The following SLCO3A1 variants were observed in gnomAD, a reference collection of about 807,000 sequenced individuals.
The protein encoded by SLCO3A1 is PGE1 transporter.
A neutral mutation model predicts 63.1 loss-of-function variants in SLCO3A1; 27 were observed. The ratio of observed to expected loss-of-function variants is 0.43; its 90% CI spans 0.32 to 0.59. The LOEUF is 0.59. SLCO3A1 is among the 20% of genes least tolerant of loss of function. The pLI is 0.09. For missense variants in SLCO3A1, 773 were observed against 945.8 expected, an observed-to-expected ratio of 0.82 and a Z score of 2.40; for synonymous variants, 473 against 409.9, an observed-to-expected ratio of 1.15 and a Z score of -1.86.
At chr15:92,157,592 G>T (rs1234652401) in intron 9 of SLCO3A1, among the ~76,000 whole-genome samples, 1 of 151,714 alleles carries the variant, frequency 6.6e-6, no homozygotes, top group Non-Finnish European at 1.5e-5. Flanking sequence ...CCAGGTTCAA[G>T]CGATTCTCCT....
chr15:91,955,341 T>C (rs796797355), intron 2 of SLCO3A1, among the ~76,000 whole-genome samples: 11 of 145,428 alleles, frequency 7.6e-5, no homozygotes, highest in African/African-American at 2.7e-4. Flanking sequence ...CTTTTTCTTT[T>C]TTTTTTTTTG....
intron 2 of SLCO3A1, among the ~76,000 whole-genome samples, chr15:92,068,899 C>T (rs574755677): frequency 9.7e-4 from 147 of 152,304 alleles, no homozygotes; most frequent in Non-Finnish European, 1.9e-3. Context: ...GCCTCATTCG[C>T]CCCACCTGTA....
rs540363522 is a variant in SLCO3A1 at position 91,964,742 on chromosome 15, AGT to A, written c.646+48285_646+48286del. Among the ~76,000 whole-genome samples, 1,302 of 150,956 alleles carry A rather than the reference AGT, an allele frequency of 8.6e-3. 21 individuals carry two copies. Among genetic ancestry groups the A allele is most frequent in the African/African-American group, 0.03 (1,235 of 40,826 alleles). The stretch of plus-strand genomic sequence containing the variant: ...GTACTAACATCCTTTAAAATTAGAT[AGT>A]TTTTTTTTTTTTAATGTACTTCGAG... On this transcript the variant is annotated intron_variant, in intron 2 of 9. Transcript: ENST00000318445.
At chr15:91,899,869 C>A (rs1898108499) in intron 1 of SLCO3A1, among the ~76,000 whole-genome samples, 1 of 152,164 alleles carries the variant, frequency 6.6e-6, no homozygotes, top group South Asian at 2.1e-4. Context: ...TATAGTGTTT[C>A]ACATTTGGCT....
intron 3 of SLCO3A1, among the ~76,000 whole-genome samples, chr15:92,097,479 C>G (rs2047553460): frequency 6.6e-6 from 1 of 152,146 alleles, no homozygotes; most frequent in Non-Finnish European, 1.5e-5. Flanking sequence ...AATGCTGTTC[C>G]CATCTTACTG....
chr15:92,113,819 A>G (rs2047758750), intron 4 of SLCO3A1, among the ~76,000 whole-genome samples: 1 of 152,186 alleles, frequency 6.6e-6, no homozygotes, highest in Admixed American at 6.5e-5. Context: ...CACCTCCAGA[A>G]TCGACAGTGT....
In SLCO3A1 at chr15:91,862,974, A is replaced by G. The variant is rs912901566; in HGVS notation, c.180+8886A>G. On this transcript the variant is annotated intron_variant, in intron 1 of 9. Coordinates refer to ENST00000318445, the MANE Select transcript of SLCO3A1 (RefSeq NM_013272.4). This position sits in a 1 kb window ranked among gnomAD's most constrained non-coding sequence, Gnocchi z 4.0. ...CAACTTCAGCTGATTAGAAGGAGAA[A>G]TTACCACCTTGAATATAAGCAGGTT... is the stretch of plus-strand genomic sequence containing the variant. Among the ~76,000 whole-genome samples the G allele has an allele frequency of 1.3e-5, 2 of 152,234 alleles. No individual in the cohort carries two copies. Among genetic ancestry groups the G allele is most frequent in the African/African-American group, 4.8e-5 (2 of 41,450 alleles).
At chr15:92,072,180 G>A (rs1448801695) in intron 2 of SLCO3A1, among the ~76,000 whole-genome samples, 2 of 150,460 alleles carry the variant, frequency 1.3e-5, no homozygotes, top group Non-Finnish European at 2.9e-5. Flanking sequence ...CCTGATAAGC[G>A]TAACCACCAT....
chr15:91,864,108 C>G (rs932635039), intron 1 of SLCO3A1, among the ~76,000 whole-genome samples: 1 of 152,188 alleles, frequency 6.6e-6, no homozygotes, highest in Non-Finnish European at 1.5e-5. Flanking sequence ...AGTGCTTGGG[C>G]TAAATCCAAA....
chr15:91,868,765 C>T (rs935533590), intron 1 of SLCO3A1, among the ~76,000 whole-genome samples: 3 of 152,056 alleles, frequency 2.0e-5, no homozygotes, highest in Admixed American at 6.5e-5. Context: ...GTACTCAGCC[C>T]GTGCCTCTCT....
chr15:91,992,530 C>T (rs116740567), intron 2 of SLCO3A1, among the ~76,000 whole-genome samples: 25 of 152,324 alleles, frequency 1.6e-4, no homozygotes, highest in African/African-American at 6.0e-4. Flanking sequence ...AGTGATCCTT[C>T]TAAACCATGT....
intron 7 of SLCO3A1, among the ~76,000 whole-genome samples, chr15:92,146,087 G>C (rs538173090): frequency 6.6e-6 from 1 of 152,280 alleles, no homozygotes; most frequent in African/African-American, 2.4e-5. Flanking sequence ...AGCAGTCCTG[G>C]AAGGAAAAGC....
At chr15:92,161,749 TCC>T (rs2048439856) in intron 9 of SLCO3A1, 1 of 149,456 alleles carries the variant, frequency 6.7e-6, no homozygotes, top group African/African-American at 2.5e-5. Flanking sequence ...CTTTGCAGTT[TCC>T]TCTGTAGAAC....
At chr15:91,864,841 T>A (rs372558785) in intron 1 of SLCO3A1, among the ~76,000 whole-genome samples, 2 of 152,170 alleles carry the variant, frequency 1.3e-5, no homozygotes, top group South Asian at 2.1e-4. Context: ...AGGTGTTCAT[T>A]TCCGCTCTGT....
intron 2 of SLCO3A1, among the ~76,000 whole-genome samples, chr15:91,988,245 A>T (rs2046079855): frequency 6.6e-6 from 1 of 152,012 alleles, no homozygotes; most frequent in Non-Finnish European, 1.5e-5. Flanking sequence ...TCTACAAAAA[A>T]AATAAGCCGG....
At chr15:91,939,377 C>G (rs2151397627) in intron 2 of SLCO3A1, among the ~76,000 whole-genome samples, 1 of 152,270 alleles carries the variant, frequency 6.6e-6, no homozygotes, top group East Asian at 1.9e-4. Flanking sequence ...GGCCCCACTT[C>G]CAACATTGTG....
intron 7 of SLCO3A1, among the ~76,000 whole-genome samples, chr15:92,138,456 G>A (rs1226205178): frequency 8.4e-6 from 1 of 118,526 alleles, no homozygotes; most frequent in African/African-American, 4.3e-5. Context: ...TTGGCGATGG[G>A]GGCTCTTTTT....
rs374693324 is a variant in SLCO3A1 at position 92,047,610 on chromosome 15, T to TA, written c.647-47269dup. On this transcript the variant is annotated intron_variant, in intron 2 of 9. Coordinates refer to ENST00000318445, the MANE Select transcript of SLCO3A1 (RefSeq NM_013272.4). The stretch of plus-strand genomic sequence containing the variant: ...ATATATATAATATATAATATATATA[T>TA]AATATATAAATATATATATAAATAT... Among the ~76,000 whole-genome samples the TA allele has an allele frequency of 5.3e-3, 193 of 36,420 alleles. 1 individual carries two copies. The highest frequency in any genetic ancestry group is 0.014 in the Admixed American group (20 of 1,410). 23.9% of individuals were successfully genotyped at this position (36,420 alleles called of 152,430 possible).
chr15:92,145,894 T>A (rs1008243862), intron 7 of SLCO3A1, among the ~76,000 whole-genome samples: 1 of 152,034 alleles, frequency 6.6e-6, no homozygotes, highest in Non-Finnish European at 1.5e-5. Flanking sequence ...CCTGTTGGGT[T>A]TGGGGCACAT....
Sources: allele counts gnomAD v4.1 joint callset (sites outside exome capture counted in the v4.1 genomes callset), GRCh38; gene constraint gnomAD v4.1.1; non-coding constraint Gnocchi (gnomAD v3.1); transcripts MANE v1.5; gene names NCBI Gene and HGNC (gene_info 2026-07-23, HGNC 2026-07-21).